The following NMUR1 variants were observed in gnomAD, a reference collection of about 807,000 sequenced individuals.
NMUR1 encodes the protein neuromedin U receptor 1, also known as neuromedin-U receptor 1.
A neutral mutation model predicts 18.8 loss-of-function variants in NMUR1; 16 were observed. That is an observed-to-expected ratio of 0.85 (90% CI 0.58 to 1.29). The LOEUF is 1.29. Among genes scored for constraint, NMUR1 ranks in the 50% most tolerant of loss-of-function variants. The pLI is 0.00. For missense variants in NMUR1, 529 were observed against 580.3 expected, an observed-to-expected ratio of 0.91 and a Z score of 0.91; for synonymous variants, 258 against 258.2, an observed-to-expected ratio of 1.00 and a Z score of 0.01.
Position 231,528,859 on chromosome 2 carries a change from G to A in NMUR1, c.162C>T (p.Pro54=). 1 of 1,614,182 alleles carries A rather than the reference G, an allele frequency of 6.2e-7. No individual in the cohort carries two copies. Among genetic ancestry groups the A allele is most frequent in the Admixed American group, 1.7e-5 (1 of 60,028 alleles). ...DEALRLKYLG[P]QQTELFMPIC... ...TGGGCATGAACAGCTCTGTCTGCTG[G>A]GGCCCCAGGTACTTGAGTCTCAGTG... Residue 54 remains proline, a synonymous_variant, in exon 2 of 3, where the codon CCC becomes CCT. Coordinates refer to ENST00000305141, the MANE Select transcript of NMUR1 (RefSeq NM_006056.5).
Position 231,528,109 on chromosome 2 carries a change from G to T in NMUR1, c.898+14C>A, listed in dbSNP as rs770304616. 3.9e-6 allele frequency: 6 copies of T among 1,528,724 alleles called. No individual in the cohort carries two copies. The South Asian group carries it at 6.3e-5, about 16-fold the overall frequency. The allele number at this position is 1,528,724 out of a possible 1,614,324, so 94.7% of individuals were successfully genotyped here. On this transcript the variant is annotated intron_variant, in intron 2 of 2. Transcript: ENST00000305141. Reference sequence around the variant, plus strand: ...GTGCCTGGCTCAGCCCCTCTTCCCAGCCGTGACACTTACACAGCATCTTGG... The same window carrying T: ...GTGCCTGGCTCAGCCCCTCTTCCCATCCGTGACACTTACACAGCATCTTGG...
intron 2 of NMUR1, among the ~76,000 whole-genome samples, chr2:231,526,650 C>T (rs1008833319): frequency 1.3e-5 from 2 of 152,150 alleles, no homozygotes; most frequent in Non-Finnish European, 2.9e-5. Flanking sequence ...AGCTCTGGGA[C>T]GGTGTCTGAG....
At position 231,527,973 on chromosome 2, in the gene NMUR1, G is replaced by GACACACACACACACACACAC. The variant is rs57357206; in HGVS notation, c.898+130_898+149dup. On this transcript the variant is annotated intron_variant, in intron 2 of 2. Transcript: ENST00000305141. ...AAAGAGTACACAGGAGTGCAACTCA[G>GACACACACACACACACACAC]ACACACACACACACACACACACACA... The GACACACACACACACACACAC allele has an allele frequency of 6.5e-4, 370 of 573,118 alleles. No individual in the cohort carries two copies. The East Asian group carries it at 0.01, about 16-fold the overall frequency. 35.5% of individuals were successfully genotyped at this position (573,118 alleles called of 1,614,324 possible).
Position 231,530,444 on chromosome 2 carries a change from AC to A in NMUR1, c.-84del. On this transcript the variant is annotated 5_prime_UTR_variant, in exon 1 of 3. Transcript: ENST00000305141. ...GGCGCGGGAGCCAGTGGACTGACTG[AC>A]AGCGGCCCCAGCCCGCGCCCCGACG... 2.2e-6 allele frequency: 3 copies of A among 1,381,942 alleles called. No individual in the cohort carries two copies. The highest frequency in any genetic ancestry group is 2.8e-6 in the Non-Finnish European group (3 of 1,069,424). The allele number at this position is 1,381,942 out of a possible 1,614,324, so 85.6% of individuals were successfully genotyped here.
Position 231,525,999 on chromosome 2 carries a change from C to T in NMUR1, c.899-574G>A, listed in dbSNP as rs963785191. Among the ~76,000 whole-genome samples, 10 of 152,264 alleles carry T rather than the reference C, an allele frequency of 6.6e-5. No individual in the cohort carries two copies. In the South Asian group the frequency reaches 1.7e-3, roughly 25 times the overall value. ...ACACACACACTGCCTGCCTTGGCCC[C>T]GGCCTTTTCAGCTCCAGCCCCCAGC... On this transcript the variant is annotated intron_variant, in intron 2 of 2. Coordinates refer to ENST00000305141, the MANE Select transcript of NMUR1 (RefSeq NM_006056.5).
downstream of NMUR1, among the ~76,000 whole-genome samples, chr2:231,519,928 T>C (rs2047292207): frequency 6.6e-6 from 1 of 152,136 alleles, no homozygotes; most frequent in African/African-American, 2.4e-5. Flanking sequence ...CCTGTCTCTA[T>C]AAAATAAGAT....
At chr2:231,526,424 C>A (rs1488080686) in intron 2 of NMUR1, among the ~76,000 whole-genome samples, 1 of 152,154 alleles carries the variant, frequency 6.6e-6, no homozygotes, top group African/African-American at 2.4e-5. Context: ...AGAAGGCCAG[C>A]AAGCAGGAAG....
chr2:231,526,070 C>A (rs1362750109), intron 2 of NMUR1, among the ~76,000 whole-genome samples: 2 of 152,178 alleles, frequency 1.3e-5, no homozygotes, highest in Admixed American at 1.3e-4. Flanking sequence ...AACCTGCCCC[C>A]CATCTTACTT....
rs868175194 is a variant in NMUR1 at position 231,525,150 on chromosome 2, T to G, written c.1174A>C (p.Met392Leu). ...PRHSSHSLSR[M>L]TTGSTLCDVG... ...TCACACAGGGTGCTGCCTGTGGTCA[T>G]CCTGCTGAGGCTGTGGGAGCTGTGG... The change falls in exon 3 of 3, where the codon ATG becomes CTG. Residue 392 changes from methionine (M) to leucine (L), a missense_variant. Met to Leu is a conservative substitution (Grantham distance 15). Coordinates refer to ENST00000305141, the MANE Select transcript of NMUR1 (RefSeq NM_006056.5). 1.2e-6 allele frequency: 2 copies of G among 1,614,070 alleles called. No individual in the cohort carries two copies. Among genetic ancestry groups the G allele is most frequent in the African/African-American group, 2.7e-5 (2 of 75,036 alleles).
At chr2:231,530,051 C>G (rs2047399342) in intron 1 of NMUR1, among the ~76,000 whole-genome samples, 2 of 152,242 alleles carry the variant, frequency 1.3e-5, no homozygotes, top group Admixed American at 1.3e-4. Flanking sequence ...CACCCTTCCT[C>G]CCGCCCGCCC....
downstream of NMUR1, among the ~76,000 whole-genome samples, chr2:231,520,954 C>T (rs1281249634): frequency 1.3e-5 from 2 of 152,236 alleles, no homozygotes; most frequent in African/African-American, 4.8e-5. Flanking sequence ...CCAGTGTACT[C>T]ACCCTCAGGA....
At position 231,528,276 on chromosome 2, in the gene NMUR1, C is replaced by A; in HGVS notation, c.745G>T (p.Val249Leu). The A allele has an allele frequency of 6.2e-7, 1 of 1,613,882 alleles. No individual in the cohort carries two copies. The highest frequency in any genetic ancestry group is 8.5e-7 in the Non-Finnish European group (1 of 1,179,828). Residue 249 changes from valine (V) to leucine (L), a missense_variant, in exon 2 of 3, where the codon GTG (valine) becomes TTG (leucine). Coordinates refer to ENST00000305141, the MANE Select transcript of NMUR1 (RefSeq NM_006056.5). ...FFCLPMAIMS[V>L]LYLLIGLRLR... ...CGCAGCCCAATGAGCAGGTAGAGCA[C>A]GCTCATGATGGCCATGGGCAGGCAG...
chr2:231,519,849 T>A (rs1376977647), downstream of NMUR1, among the ~76,000 whole-genome samples: 2 of 152,162 alleles, frequency 1.3e-5, no homozygotes, highest in African/African-American at 4.8e-5. Context: ...CCCAGCACTT[T>A]GGGAGGCCAA....
intron 2 of NMUR1, among the ~76,000 whole-genome samples, chr2:231,526,694 C>G (rs777599814): frequency 3.3e-5 from 5 of 152,166 alleles, no homozygotes; most frequent in African/African-American, 1.2e-4. Flanking sequence ...GGAGATGGGG[C>G]GGCCCCCAGT....
At chr2:231,530,338 C>G in intron 1 of NMUR1, 21 bp downstream of exon 1, 2 of 1,495,086 alleles carry the variant, frequency 1.3e-6, no homozygotes, top group Non-Finnish European at 1.8e-6. Context: ...CCCTAGCCCA[C>G]GCCGGCGCCT....
At chr2:231,522,531 C>T (rs2047314646), downstream of NMUR1, among the ~76,000 whole-genome samples, 2 of 151,868 alleles carry the variant, frequency 1.3e-5, 1 homozygote, top group South Asian at 4.2e-4. Flanking sequence ...CACTCAGGTG[C>T]TCACGGCTCT....
chr2:231,522,411 G>A (rs2047313754), downstream of NMUR1, among the ~76,000 whole-genome samples: 1 of 151,940 alleles, frequency 6.6e-6, no homozygotes, highest in African/African-American at 2.4e-5. Flanking sequence ...GCAGGCCTCT[G>A]GGAGTCCAGA....
At position 231,528,948 on chromosome 2, in the gene NMUR1, C is replaced by T. The variant is rs375332475; in HGVS notation, c.73G>A (p.Ala25Thr). 5.6e-6 allele frequency: 9 copies of T among 1,614,094 alleles called. No homozygotes were observed. In the East Asian group the frequency reaches 6.7e-5, roughly 12 times the overall value. The change falls in exon 2 of 3, where the codon GCT becomes ACT. Residue 25 changes from alanine to threonine, a missense_variant. By Grantham distance (58) the Ala-to-Thr change is moderately conservative. Transcript: ENST00000305141. ...CCCCTGGCCGCACTGCCATTGCAAG[C>T]CATGGGGTTCCTTGCACCCCCTGGG... ...LYPGGARNPM[A>T]CNGSAARGHF... is the part of the protein sequence containing the mutation.
downstream of NMUR1, among the ~76,000 whole-genome samples, chr2:231,522,990 T>C (rs566399970): frequency 1.3e-5 from 2 of 152,302 alleles, no homozygotes; most frequent in East Asian, 3.9e-4. Flanking sequence ...CCAGATGGTT[T>C]ATGCAAGTCC....
Sources: gnomAD v4.1 joint callset for allele counts (sites outside exome capture counted in the v4.1 genomes callset) on GRCh38, gnomAD v4.1.1 for gene constraint, MANE v1.5 for transcripts, NCBI Gene and HGNC (gene_info 2026-07-23, HGNC 2026-07-21) for gene names.